The following ATP11C variants were observed in gnomAD, a reference collection of about 807,000 sequenced individuals.
The protein encoded by ATP11C is ATPase phospholipid transporting 11C (ATP11C blood group), also known as phospholipid-transporting ATPase IG.
In ATP11C, 36 loss-of-function variants were observed where a neutral mutation model predicts 97.4. That is an observed-to-expected ratio of 0.37 (90% CI 0.28 to 0.49). The LOEUF is 0.49. ATP11C is among the 20% of genes least tolerant of loss of function. ATP11C has a pLI of 0.98. For missense variants in ATP11C, 730 were observed against 824.6 expected, an observed-to-expected ratio of 0.89 and a Z score of 1.40; for synonymous variants, 275 against 290.9, an observed-to-expected ratio of 0.95 and a Z score of 0.56.
intron 1 of ATP11C, among the ~76,000 whole-genome samples, chrX:139,853,341 C>CA (rs1468554396): frequency 9.7e-6 from 1 of 103,387 alleles, no homozygotes; most frequent in Non-Finnish European, 2.0e-5. Flanking sequence ...AGGGGAAAGA[C>CA]AGAGAGAGGG....
chrX:139,910,149 TA>T (rs2085050543), intron 1 of ATP11C: 1 of 111,715 alleles, frequency 9.0e-6, no homozygotes, highest in African/African-American at 3.3e-5. Flanking sequence ...TGTGATCACT[TA>T]GGAATGAATA....
chrX:139,924,817 G>C (rs1273566213), intron 1 of ATP11C, among the ~76,000 whole-genome samples: 3 of 111,781 alleles, frequency 2.7e-5, no homozygotes, highest in Non-Finnish European at 5.6e-5. Context: ...TTCAGTGAAA[G>C]AGGACTGGAA....
At chrX:139,772,182 G>A (rs1490033789) in intron 19 of ATP11C, among the ~76,000 whole-genome samples, 2 of 112,679 alleles carry the variant, frequency 1.8e-5, no homozygotes, top group African/African-American at 6.5e-5. Context: ...TGGCTTCAGA[G>A]GGTGGAAGCC....
chrX:139,751,895 G>C (rs1032314191), intron 23 of ATP11C, among the ~76,000 whole-genome samples: 2 of 110,606 alleles, frequency 1.8e-5, no homozygotes, highest in African/African-American at 3.3e-5. Context: ...AGTCCTCCTC[G>C]CAAGTTCCAG....
intron 28 of ATP11C, among the ~76,000 whole-genome samples, chrX:139,737,078 G>A (rs193103708): frequency 6.3e-5 from 7 of 110,519 alleles, no homozygotes; most frequent in Non-Finnish European, 1.3e-4. Flanking sequence ...TACTGCCTTG[G>A]AGGTGCTACA....
chrX:139,933,271 C>T (rs1321085202), upstream of ATP11C, among the ~76,000 whole-genome samples: 1 of 108,934 alleles, frequency 9.2e-6, no homozygotes, highest in Non-Finnish European at 1.9e-5. Context: ...GGCTGAACAG[C>T]GGGTTCTCCA....
intron 1 of ATP11C, among the ~76,000 whole-genome samples, chrX:139,906,427 G>GAAAAA (rs5904006): frequency 1.0e-5 from 1 of 96,589 alleles, no homozygotes; most frequent in Non-Finnish European, 2.0e-5. Flanking sequence ...CAAAAAAAAC[G>GAAAAA]AAAAAAAAAA....
In ATP11C at chrX:139,764,203, C is replaced by G. The variant is rs1010599752; in HGVS notation, c.2392-785G>C. On this transcript the variant is annotated intron_variant, in intron 20 of 29. Coordinates refer to ENST00000682941, the MANE Select transcript of ATP11C (RefSeq NM_001353812.2). ...TTAAATTATTGCACCTATCTGGATG[C>G]CAACTAAACTTTAATAAATCTCTCA... Among the ~76,000 whole-genome samples the G allele has an allele frequency of 6.2e-5, 7 of 112,199 alleles. No individual in the cohort carries two copies. The East Asian group carries it at 1.7e-3, about 27-fold the overall frequency.
chrX:139,822,229 C>T (rs984752650), intron 2 of ATP11C, among the ~76,000 whole-genome samples: 1 of 112,280 alleles, frequency 8.9e-6, no homozygotes, highest in East Asian at 2.8e-4. Context: ...CAGAGTCTCA[C>T]ACTGTCACCC....
Position 139,726,518 on chromosome X carries a change from G to A in ATP11C, c.*2448C>T, listed in dbSNP as rs1288353150. 2 of 112,529 alleles carry A rather than the reference G, an allele frequency of 1.8e-5. No individual in the cohort carries two copies. The highest frequency in any genetic ancestry group is 3.8e-5 in the Non-Finnish European group (2 of 53,255). 9.3% of individuals were successfully genotyped at this position (112,529 alleles called of 1,213,427 possible). A position where few individuals can be genotyped will look rare whatever the true frequency, so the allele number is the denominator to read the frequency against. Reference sequence around the variant, plus strand: ...GTAATATTGCAGTCCCATTTTGCAAGCTGAAAAATGATTTTGTCAACACGC... The same window carrying A: ...GTAATATTGCAGTCCCATTTTGCAAACTGAAAAATGATTTTGTCAACACGC... On this transcript the variant is annotated 3_prime_UTR_variant, in exon 30 of 30. Coordinates refer to ENST00000682941, the MANE Select transcript of ATP11C (RefSeq NM_001353812.2).
Position 139,743,588 on chromosome X carries a change from T to C in ATP11C, c.3001A>G (p.Thr1001Ala). 8.5e-7 allele frequency: 1 copy of C among 1,179,211 alleles called. No individual in the cohort carries two copies. The highest frequency in any genetic ancestry group is 1.1e-6 in the Non-Finnish European group (1 of 874,741). ...AGGGTTACAGTGAATACTAAGACTG[T>C]AAAAACAATGGTTCCAAAAGTCCAG... is the stretch of plus-strand genomic sequence containing the variant. ...GNWTFGTIVFTVLVFTVTLKL... is the reference protein window; with the variant it reads ...GNWTFGTIVFAVLVFTVTLKL... The change falls in exon 26 of 30, where the codon ACA becomes GCA. Residue 1001 changes from threonine to alanine, a missense_variant. By Grantham distance (58) the Thr-to-Ala change is moderately conservative. Coordinates refer to ENST00000682941, the MANE Select transcript of ATP11C (RefSeq NM_001353812.2).
At chrX:139,930,035 A>T (rs2085408209) in intron 1 of ATP11C, among the ~76,000 whole-genome samples, 1 of 112,112 alleles carries the variant, frequency 8.9e-6, no homozygotes, top group Non-Finnish European at 1.9e-5. Flanking sequence ...GCACTGGTAC[A>T]AATTCCTGAT....
chrX:139,818,459 A>C (rs1411053769), intron 3 of ATP11C, among the ~76,000 whole-genome samples: 1 of 111,982 alleles, frequency 8.9e-6, no homozygotes, highest in Non-Finnish European at 1.9e-5. Context: ...GATTCTTTCA[A>C]GCAGAATCCT....
intron 1 of ATP11C, among the ~76,000 whole-genome samples, chrX:139,842,583 G>A (rs893399026): frequency 8.9e-6 from 1 of 112,525 alleles, no homozygotes; most frequent in Admixed American, 9.4e-5. Flanking sequence ...CATAAGTGAA[G>A]GAAGTATACA....
At chrX:139,882,200 C>A (rs1326541950) in intron 1 of ATP11C, among the ~76,000 whole-genome samples, 1 of 111,175 alleles carries the variant, frequency 9.0e-6, no homozygotes, top group Non-Finnish European at 1.9e-5. Flanking sequence ...ATTTGCCAAG[C>A]AAAGATTATG....
intron 1 of ATP11C, among the ~76,000 whole-genome samples, chrX:139,852,648 C>T (rs2084016902): frequency 9.1e-6 from 1 of 109,596 alleles, no homozygotes; most frequent in Admixed American, 9.7e-5. Context: ...ACCCTGCTTA[C>T]GGTGTTGTGT....
At chrX:139,773,045 G>A (rs1003755980) in intron 19 of ATP11C, among the ~76,000 whole-genome samples, 4 of 110,996 alleles carry the variant, frequency 3.6e-5, no homozygotes, top group African/African-American at 1.3e-4. Context: ...TGTGTTGTGG[G>A]AGGGACCCAG....
chrX:139,784,546 G>C (rs1377906917), intron 16 of ATP11C, among the ~76,000 whole-genome samples: 1 of 111,196 alleles, frequency 9.0e-6, no homozygotes, highest in Non-Finnish European at 1.9e-5. Context: ...ACGTATCTGA[G>C]AGCCTTCGAA....
chrX:139,881,761 G>A (rs938020184), intron 1 of ATP11C, among the ~76,000 whole-genome samples: 5 of 111,513 alleles, frequency 4.5e-5, no homozygotes, highest in Non-Finnish European at 9.4e-5. Context: ...TATCTTTATC[G>A]CACTTTTCCT....
Sources: gnomAD v4.1 joint callset for allele counts (sites outside exome capture counted in the v4.1 genomes callset) on GRCh38, gnomAD v4.1.1 for gene constraint, MANE v1.5 for transcripts, NCBI Gene and HGNC (gene_info 2026-07-23, HGNC 2026-07-21) for gene names.